The following PDE1C variants were observed in gnomAD, a reference collection of about 807,000 sequenced individuals.
PDE1C encodes the protein dual specificity calcium/calmodulin-dependent 3',5'-cyclic nucleotide phosphodiesterase 1C.
A neutral mutation model predicts 93.1 loss-of-function variants in PDE1C; 62 were observed. The observed-to-expected ratio is 0.67, with a 90% CI of 0.54 to 0.82. The LOEUF (loss-of-function observed/expected upper bound fraction) is 0.82, where lower values mean the gene tolerates loss of function less well. Ranked by LOEUF, PDE1C falls within the 40% of genes least tolerant of loss-of-function variation. The pLI is 0.00. For missense variants in PDE1C, 742 were observed against 884.6 expected, an observed-to-expected ratio of 0.84 and a Z score of 2.04; for synonymous variants, 325 against 310.1, an observed-to-expected ratio of 1.05 and a Z score of -0.50.
intron 1 of PDE1C, among the ~76,000 whole-genome samples, chr7:32,061,156 T>C (rs943845029): frequency 1.3e-5 from 2 of 152,244 alleles, no homozygotes; most frequent in Non-Finnish European, 2.9e-5. Context: ...TAATGGTCTT[T>C]GGATATCCAA....
chr7:32,258,839 C>T (rs375855395), intron 1 of PDE1C, among the ~76,000 whole-genome samples: 1 of 152,088 alleles, frequency 6.6e-6, no homozygotes, highest in African/African-American at 2.4e-5. Context: ...TTCAAAAGGC[C>T]CAGCTCCTTC....
intron 3 of PDE1C, among the ~76,000 whole-genome samples, chr7:32,095,319 A>T (rs1182832133): frequency 2.0e-5 from 3 of 152,204 alleles, no homozygotes; most frequent in Non-Finnish European, 4.4e-5. Flanking sequence ...AACAGTGTGA[A>T]GTCAGACAAC....
chr7:31,757,043 A>G (rs948688498), intron 17 of PDE1C, among the ~76,000 whole-genome samples: 1 of 152,236 alleles, frequency 6.6e-6, no homozygotes, highest in Non-Finnish European at 1.5e-5. Flanking sequence ...GTGACCAAAC[A>G]AAAGATGAGA....
intron 1 of PDE1C, among the ~76,000 whole-genome samples, chr7:32,292,429 TTAAAA>T (rs1402216070): frequency 6.6e-6 from 1 of 152,146 alleles, no homozygotes; most frequent in Non-Finnish European, 1.5e-5. Context: ...ATAAAAGAAA[TTAAAA>T]TATTTTCAGA....
chr7:31,641,916 T>A, the PDE1C span, among the ~76,000 whole-genome samples: 1 of 152,238 alleles, frequency 6.6e-6, no homozygotes, highest in African/African-American at 2.4e-5. Context: ...ATATTGTTAT[T>A]TGGTTTTGAG....
the PDE1C span, among the ~76,000 whole-genome samples, chr7:31,738,585 T>C: frequency 6.6e-6 from 1 of 152,134 alleles, no homozygotes; most frequent in Non-Finnish European, 1.5e-5. Context: ...CAGGTGCTGC[T>C]TGAAAAGCAA....
intron 16 of PDE1C, chr7:31,789,146 C>T (rs1165278694): frequency 2.0e-5 from 3 of 152,100 alleles, no homozygotes; most frequent in African/African-American, 7.2e-5. Flanking sequence ...TTTTAAGAAT[C>T]ACTTTTATCT....
intron 1 of PDE1C, among the ~76,000 whole-genome samples, chr7:32,412,704 C>T (rs62458060): frequency 0.1 from 25 of 244 alleles, no homozygotes; most frequent in Middle Eastern, 0.5. Flanking sequence ...CATCATTGCC[C>T]GAAATTCGTT....
At chr7:31,822,218 A>T (rs1286222413) in intron 14 of PDE1C, among the ~76,000 whole-genome samples, 1 of 151,884 alleles carries the variant, frequency 6.6e-6, no homozygotes, top group East Asian at 1.9e-4. Flanking sequence ...GTTAGCAAAA[A>T]CCGACTCTTG....
At chr7:32,225,342 G>GCACACA (rs34169470) in intron 1 of PDE1C, among the ~76,000 whole-genome samples, 218 of 150,916 alleles carry the variant, frequency 1.4e-3, no homozygotes, top group Non-Finnish European at 2.2e-3. Flanking sequence ...CATTCAACAT[G>GCACACA]CACACACACA....
the PDE1C span, among the ~76,000 whole-genome samples, chr7:31,685,455 A>T: frequency 6.6e-6 from 1 of 152,194 alleles, no homozygotes; most frequent in Admixed American, 6.5e-5. Context: ...TCACAACGAC[A>T]TGTAGATCTA....
At chr7:31,930,949 C>A (rs190423160) in intron 2 of PDE1C, among the ~76,000 whole-genome samples, 2 of 146,460 alleles carry the variant, frequency 1.4e-5, no homozygotes, top group Admixed American at 1.4e-4. Context: ...AATCAATAAA[C>A]GTAATCCATC....
chr7:31,682,511 C>T, the PDE1C span, among the ~76,000 whole-genome samples: 1 of 152,162 alleles, frequency 6.6e-6, no homozygotes. Context: ...TGGATCATGC[C>T]ACATTGCTGG....
At chr7:31,747,857 C>CA (rs3078522), downstream of PDE1C, among the ~76,000 whole-genome samples, 11,622 of 134,076 alleles carry the variant, frequency 0.087, 622 homozygotes, top group African/African-American at 0.13. Flanking sequence ...CAAAACATCT[C>CA]AAAAAAAAAA....
the PDE1C span, among the ~76,000 whole-genome samples, chr7:31,617,123 A>AATTT: frequency 1.3e-5 from 2 of 152,174 alleles, no homozygotes; most frequent in African/African-American, 4.8e-5. Context: ...GTCCCGGTAT[A>AATTT]ATTTATCAAC....
intron 1 of PDE1C, among the ~76,000 whole-genome samples, chr7:32,322,069 T>C (rs1562673302): frequency 6.6e-6 from 1 of 152,206 alleles, no homozygotes; most frequent in Admixed American, 6.5e-5. Flanking sequence ...CTAGGAACTT[T>C]TATGTATATT....
At chr7:31,785,135 T>C (rs1265746611) in intron 16 of PDE1C, 2 of 151,580 alleles carry the variant, frequency 1.3e-5, no homozygotes, top group Admixed American at 1.3e-4. Flanking sequence ...ATCCTGCAGG[T>C]TCAGAAGCCA....
chr7:32,333,672 T>G (rs181409460), intron 1 of PDE1C, among the ~76,000 whole-genome samples: 2 of 152,346 alleles, frequency 1.3e-5, no homozygotes, highest in African/African-American at 4.8e-5. Flanking sequence ...ACTCAGTTTC[T>G]GCTCATATAA....
chr7:32,211,447 T>G (rs577847998), intron 1 of PDE1C, among the ~76,000 whole-genome samples: 2 of 152,232 alleles, frequency 1.3e-5, no homozygotes, highest in African/African-American at 4.8e-5. Flanking sequence ...ACTATCTCAG[T>G]AGAAGTCTTT....
Sources: gnomAD v4.1 joint callset for allele counts (sites outside exome capture counted in the v4.1 genomes callset) on GRCh38, gnomAD v4.1.1 for gene constraint, MANE v1.5 for transcripts, NCBI Gene and HGNC (gene_info 2026-07-23, HGNC 2026-07-21) for gene names.